Variants in AGO4 observed in about 807,000 individuals in gnomAD.
AGO4 encodes argonaute RISC component 4, also known as protein argonaute-4.
A neutral mutation model predicts 104.7 loss-of-function variants in AGO4; 33 were observed. That is an observed-to-expected ratio of 0.32 (90% CI 0.24 to 0.42). The LOEUF (loss-of-function observed/expected upper bound fraction) is 0.42, where lower values mean the gene tolerates loss of function less well. Ranked by LOEUF, AGO4 falls within the 10% of genes least tolerant of loss-of-function variation. The pLI is 1.00. For synonymous variants in AGO4, 331 were observed against 364.7 expected (o/e 0.91, Z 1.05); for missense variants, 711 against 1,083.4 (o/e 0.66, Z 4.83).
Position 35,841,716 on chromosome 1 carries a change from A to G in AGO4, c.2141A>G (p.His714Arg). ...ITYIVVQKRH[H>R]TRLFCADKTE... ...TATATTGTGGTGCAAAAAAGACATC[A>G]CACACGACTCTTCTGTGCAGATAAA... is the stretch of plus-strand genomic sequence containing the variant. The change falls in exon 15 of 18, where the codon CAC (histidine) becomes CGC (arginine). Residue 714 changes from histidine to arginine, a missense_variant. Around this residue, in one of 3 missense-constraint regions of AGO4, gnomAD observed 401 missense variants for 665.5 expected, o/e 0.60. Transcript: ENST00000373210. The surrounding 1 kb of genome is among the most constrained non-coding windows in gnomAD (Gnocchi z 4.7). 6.2e-7 allele frequency: 1 copy of G among 1,613,928 alleles called. No homozygotes were observed. The highest frequency in any genetic ancestry group is 8.5e-7 in the Non-Finnish European group (1 of 1,179,944).
intron 3 of AGO4, among the ~76,000 whole-genome samples, chr1:35,823,427 T>G (rs575725961): frequency 6.6e-6 from 1 of 151,290 alleles, no homozygotes; most frequent in South Asian, 2.1e-4. Context: ...TAATTTTTAT[T>G]TTATTTTTTT....
At chr1:35,826,892 C>T (rs916177780) in intron 7 of AGO4, 57 bp downstream of exon 7, 9 of 1,562,026 alleles carry the variant, frequency 5.8e-6, no homozygotes, top group African/African-American at 1.4e-5. Context: ...GAGGGAGCTA[C>T]TATAATTGTT....
intron 13 of AGO4, among the ~76,000 whole-genome samples, chr1:35,840,406 C>A (rs1571299458): frequency 2.0e-5 from 3 of 152,168 alleles, no homozygotes; most frequent in African/African-American, 7.2e-5. Context: ...AAGTGATCTG[C>A]CTGCCTCAGC....
rs139289038 is a variant in AGO4 at position 35,850,246 on chromosome 1, T to C, written c.2265T>C (p.His755=). The C allele has an allele frequency of 1.2e-6, 2 of 1,613,334 alleles. No homozygotes were observed. The highest frequency in any genetic ancestry group is 1.7e-6 in the Non-Finnish European group (2 of 1,179,252). The stretch of plus-strand genomic sequence containing the variant: ...AGTTTGACTTTTACCTCTGTAGTCA[T>C]GCAGGAATTCAGGTAATTTGGAAGC... ...PSEFDFYLCS[H]AGIQGTSRPS... Residue 755 remains histidine (H), a synonymous_variant, in exon 16 of 18, where the codon CAT becomes CAC. Transcript: ENST00000373210.
intron 7 of AGO4, among the ~76,000 whole-genome samples, chr1:35,829,741 C>T (rs373703451): frequency 3.5e-5 from 5 of 143,390 alleles, no homozygotes; most frequent in Non-Finnish European, 6.1e-5. Context: ...CCCAGGTACT[C>T]GGGAGGCTGA....
chr1:35,848,581 G>T (rs1432750235), intron 15 of AGO4, among the ~76,000 whole-genome samples: 1 of 151,248 alleles, frequency 6.6e-6, no homozygotes, highest in East Asian at 1.9e-4. Flanking sequence ...AAAAGGCCTG[G>T]ATTCCCTTTT....
intron 15 of AGO4, among the ~76,000 whole-genome samples, chr1:35,847,428 T>G (rs1379682236): frequency 6.6e-6 from 1 of 151,992 alleles, no homozygotes; most frequent in Non-Finnish European, 1.5e-5. Context: ...GAGATGGAGT[T>G]TCACCATGTT....
At chr1:35,819,612 A>C (rs981012275) in intron 2 of AGO4, among the ~76,000 whole-genome samples, 1 of 151,724 alleles carries the variant, frequency 6.6e-6, no homozygotes, top group African/African-American at 2.4e-5. Flanking sequence ...GTGTGCCTGT[A>C]GTCCCAGCTA....
Position 35,808,391 on chromosome 1 carries a change from G to C in AGO4, c.-26G>C. ...CCCGGAGCGGGAGGCGCCGGGGACC[G>C]GGGCGAGGCGGCCCCCGCCGCCGCC... is the stretch of plus-strand genomic sequence containing the variant. On this transcript the variant is annotated 5_prime_UTR_variant, in exon 1 of 18. Transcript: ENST00000373210. The surrounding 1 kb of genome is among the most constrained non-coding windows in gnomAD (Gnocchi z 5.2). 9.2e-7 allele frequency: 1 copy of C among 1,084,850 alleles called. No individual in the cohort carries two copies. Among genetic ancestry groups the C allele is most frequent in the Non-Finnish European group, 1.1e-6 (1 of 896,478 alleles). 67.2% of individuals were successfully genotyped at this position (1,084,850 alleles called of 1,614,324 possible).
chr1:35,822,749 T>A (rs909742829), intron 2 of AGO4, 113 bp from the exon 3 acceptor site: 25 of 1,364,242 alleles, frequency 1.8e-5, no homozygotes, highest in Non-Finnish European at 2.4e-5. Context: ...ACCTTAACTC[T>A]TACTTTTTCC....
At chr1:35,830,643 A>G (rs1441460717) in intron 7 of AGO4, among the ~76,000 whole-genome samples, 1 of 152,210 alleles carries the variant, frequency 6.6e-6, no homozygotes, top group Non-Finnish European at 1.5e-5. Flanking sequence ...CTGGTTAAAT[A>G]CTAAACTTAC....
At chr1:35,853,428 G>T (rs528379278) in intron 17 of AGO4, 69 bp from the exon 18 acceptor site, 660 of 1,419,290 alleles carry the variant, frequency 4.7e-4, no homozygotes, top group Middle Eastern at 4.6e-3. Flanking sequence ...TTGTTTTTTT[G>T]TTGTTGTTGT....
chr1:35,847,814 A>C (rs904094360), intron 15 of AGO4, among the ~76,000 whole-genome samples: 1 of 151,454 alleles, frequency 6.6e-6, no homozygotes, highest in Non-Finnish European at 1.5e-5. Context: ...CATGTTAACA[A>C]TTTTCTGTAT....
chr1:35,825,584 AT>A (rs1643999298), intron 4 of AGO4, 90 bp downstream of exon 4: 1 of 1,537,968 alleles, frequency 6.5e-7, no homozygotes, highest in African/African-American at 1.4e-5. Flanking sequence ...TGCATAAGTC[AT>A]TGTTCAAATT....
intron 2 of AGO4, among the ~76,000 whole-genome samples, chr1:35,818,072 A>C (rs1643767535): frequency 6.6e-6 from 1 of 152,202 alleles, no homozygotes; most frequent in Non-Finnish European, 1.5e-5. Flanking sequence ...GTTGGTAATA[A>C]ATGCAATAAA....
At position 35,808,702 on chromosome 1, in the gene AGO4, C is replaced by T. The variant is rs941416863; in HGVS notation, c.19+267C>T. On this transcript the variant is annotated intron_variant, in intron 1 of 17. Transcript: ENST00000373210. The surrounding 1 kb of genome is among the most constrained non-coding windows in gnomAD (Gnocchi z 5.2). ...CTGCCGGGCGGAGGCCACTCTTGGC[C>T]CCACCTCGGGGAGACGATATGTGCC... 1.3e-5 allele frequency among the ~76,000 whole-genome samples: 2 copies of T among 152,094 alleles called. No homozygotes were observed. The highest frequency in any genetic ancestry group is 2.4e-5 in the African/African-American group (1 of 41,444).
chr1:35,817,126 A>T, intron 2 of AGO4, 79 bp downstream of exon 2: 1 of 1,371,846 alleles, frequency 7.3e-7, no homozygotes, highest in Non-Finnish European at 9.8e-7. Context: ...CTCTAAATTC[A>T]TCCAACATGT....
At chr1:35,826,188 A>G in intron 6 of AGO4, 128 bp downstream of exon 6, 1 of 1,174,758 alleles carries the variant, frequency 8.5e-7, no homozygotes, top group Non-Finnish European at 1.2e-6. Flanking sequence ...GACCTTGGTC[A>G]AGTTCCTTAA....
At chr1:35,832,282 T>C in intron 10 of AGO4, 97 bp downstream of exon 10, 3 of 1,547,284 alleles carry the variant, frequency 1.9e-6, no homozygotes, top group Non-Finnish European at 2.6e-6. Flanking sequence ...AATTTACCCA[T>C]AGTTTTGTTC....
Sources: gnomAD v4.1 joint callset for allele counts (sites outside exome capture counted in the v4.1 genomes callset) on GRCh38, gnomAD v4.1.1 for gene constraint, gnomAD v4.1.1 regional missense constraint, Gnocchi (gnomAD v3.1) non-coding constraint, MANE v1.5 for transcripts, NCBI Gene and HGNC (gene_info 2026-07-23, HGNC 2026-07-21) for gene names.